Variants in BMPR1B observed in about 807,000 individuals in gnomAD.
The protein encoded by BMPR1B is bone morphogenetic protein receptor type-1B.
In BMPR1B, 12 loss-of-function variants were observed where a neutral mutation model predicts 59.1. The observed-to-expected ratio is 0.20, with a 90% CI of 0.13 to 0.33. BMPR1B has a LOEUF of 0.33. BMPR1B is among the 10% of genes least tolerant of loss of function. The pLI, the probability that BMPR1B is intolerant of heterozygous loss-of-function variation, is 1.00. For synonymous variants in BMPR1B, 237 were observed against 207.3 expected, an observed-to-expected ratio of 1.14 and a Z score of -1.23; for missense variants, 550 against 610.9, an observed-to-expected ratio of 0.90 and a Z score of 1.05.
In BMPR1B at chr4:95,085,922, G is replaced by C. The variant is rs537479233; in HGVS notation, c.-17-18486G>C. Among the ~76,000 whole-genome samples, 11 of 152,230 alleles carry C rather than the reference G, an allele frequency of 7.2e-5. No individual in the cohort carries two copies. In the East Asian group the frequency reaches 2.1e-3, roughly 29 times the overall value. ...ATATTAGGAACATTTGGCAAGAAGA[G>C]ACAGGTTTTGTGGGAATAATTTGTT... is the stretch of plus-strand genomic sequence containing the variant. On this transcript the variant is annotated intron_variant, in intron 3 of 12. Transcript: ENST00000515059.
chr4:94,895,377 A>G (rs1351395377), intron 2 of BMPR1B, among the ~76,000 whole-genome samples: 4 of 151,978 alleles, frequency 2.6e-5, no homozygotes, highest in Non-Finnish European at 5.9e-5. Flanking sequence ...TTTATAATCT[A>G]TGAGAAAATG....
chr4:94,831,501 A>G (rs1724589429), intron 1 of BMPR1B, among the ~76,000 whole-genome samples: 1 of 152,198 alleles, frequency 6.6e-6, no homozygotes, highest in Admixed American at 6.5e-5. Context: ...AGGATTCCTC[A>G]TTCATGTACC....
chr4:94,780,319 C>T (rs1379192757), intron 1 of BMPR1B, among the ~76,000 whole-genome samples: 1 of 152,072 alleles, frequency 6.6e-6, no homozygotes, highest in African/African-American at 2.4e-5. Flanking sequence ...ATATTATTTT[C>T]GAGGTTCATC....
chr4:94,899,226 G>A (rs1727707178), intron 2 of BMPR1B, among the ~76,000 whole-genome samples: 1 of 151,824 alleles, frequency 6.6e-6, no homozygotes, highest in Non-Finnish European at 1.5e-5. Context: ...GGCCTATGTG[G>A]ATAATCTAGG....
At chr4:94,796,797 T>G (rs1239488683) in intron 1 of BMPR1B, among the ~76,000 whole-genome samples, 1 of 152,148 alleles carries the variant, frequency 6.6e-6, no homozygotes, top group Non-Finnish European at 1.5e-5. Flanking sequence ...TTGTTGTGGG[T>G]GTTAAGGAGG....
chr4:94,929,394 C>A (rs2149032381), intron 2 of BMPR1B, among the ~76,000 whole-genome samples: 1 of 152,188 alleles, frequency 6.6e-6, no homozygotes, highest in Non-Finnish European at 1.5e-5. Flanking sequence ...TGTATCACTT[C>A]TGTTATCATC....
intron 11 of BMPR1B, among the ~76,000 whole-genome samples, chr4:95,150,380 G>A (rs377144712): frequency 1.2e-4 from 18 of 151,814 alleles, no homozygotes; most frequent in Non-Finnish European, 2.1e-4. Flanking sequence ...GAGTCCAAGC[G>A]GGGAGGATCA....
intron 3 of BMPR1B, among the ~76,000 whole-genome samples, chr4:95,082,161 G>A (rs920389480): frequency 4.2e-5 from 5 of 118,964 alleles, no homozygotes; most frequent in Non-Finnish European, 8.1e-5. Flanking sequence ...AGTCCCCAGA[G>A]TGTGATGTTC....
chr4:95,068,233 C>T (rs142232038), intron 3 of BMPR1B, among the ~76,000 whole-genome samples: 376 of 152,160 alleles, frequency 2.5e-3, no homozygotes, highest in African/African-American at 7.9e-3. Flanking sequence ...TCGTATTTCC[C>T]GTTTTCTCTA....
At chr4:94,815,270 T>C (rs188322945) in intron 1 of BMPR1B, among the ~76,000 whole-genome samples, 1 of 152,298 alleles carries the variant, frequency 6.6e-6, no homozygotes, top group Non-Finnish European at 1.5e-5. Flanking sequence ...CATTTTTCCA[T>C]GTTGCAATAT....
intron 1 of BMPR1B, among the ~76,000 whole-genome samples, chr4:94,804,260 T>G (rs562887403): frequency 7.9e-5 from 12 of 152,338 alleles, no homozygotes; most frequent in South Asian, 2.1e-4. Context: ...ACCATACTTT[T>G]CAAACTGTAT....
chr4:94,908,609 CA>C (rs1314508903), intron 2 of BMPR1B, among the ~76,000 whole-genome samples: 1 of 151,776 alleles, frequency 6.6e-6, no homozygotes, highest in Admixed American at 6.6e-5. Context: ...AATGATTCCC[CA>C]GTTTTTAATC....
At chr4:95,112,675 A>C (rs1425719832) in intron 4 of BMPR1B, among the ~76,000 whole-genome samples, 1 of 152,028 alleles carries the variant, frequency 6.6e-6, no homozygotes, top group Non-Finnish European at 1.5e-5. Flanking sequence ...CTATTTTCTC[A>C]GGGTCTCCCC....
chr4:95,151,405 G>T (rs1735033495), intron 11 of BMPR1B, among the ~76,000 whole-genome samples: 1 of 152,154 alleles, frequency 6.6e-6, no homozygotes, highest in Non-Finnish European at 1.5e-5. Context: ...CAGGGCCATG[G>T]TCCTGAGAAT....
chr4:95,153,391 C>T (rs1735193068), intron 12 of BMPR1B, among the ~76,000 whole-genome samples: 2 of 152,110 alleles, frequency 1.3e-5, no homozygotes. Flanking sequence ...TCCTTCCACC[C>T]TCGCAGCCTT....
At chr4:95,007,185 A>G (rs1453072477) in intron 3 of BMPR1B, among the ~76,000 whole-genome samples, 2 of 152,204 alleles carry the variant, frequency 1.3e-5, no homozygotes, top group African/African-American at 2.4e-5. Flanking sequence ...AATCCATGCT[A>G]TACTCTGGAA....
At chr4:94,833,176 G>A (rs1724667605) in intron 1 of BMPR1B, among the ~76,000 whole-genome samples, 1 of 139,394 alleles carries the variant, frequency 7.2e-6, no homozygotes, top group Non-Finnish European at 1.5e-5. Flanking sequence ...GGATGAGAGA[G>A]GCAGAGACTC....
At chr4:95,120,344 C>A (rs1732383634) in intron 6 of BMPR1B, among the ~76,000 whole-genome samples, 1 of 152,144 alleles carries the variant, frequency 6.6e-6, no homozygotes, top group Non-Finnish European at 1.5e-5. Flanking sequence ...ATGCATGTGT[C>A]TTTTTGGCAT....
chr4:95,131,124 T>C, intron 9 of BMPR1B, 91 bp from the exon 10 acceptor site: 1 of 1,361,144 alleles, frequency 7.3e-7, no homozygotes, highest in Non-Finnish European at 1.0e-6. Context: ...TAAACAAAAA[T>C]TATCTATGAC....
Sources: allele counts gnomAD v4.1 joint callset (sites outside exome capture counted in the v4.1 genomes callset), GRCh38; gene constraint gnomAD v4.1.1; transcripts MANE v1.5; gene names NCBI Gene and HGNC (gene_info 2026-07-23, HGNC 2026-07-21).